The following SEMA5A variants were observed in gnomAD, a reference collection of about 807,000 sequenced individuals.
SEMA5A encodes semaphorin-5A.
SEMA5A carries 55 observed loss-of-function variants against 135.5 expected under a neutral mutation model. That is an observed-to-expected ratio of 0.41 (90% CI 0.33 to 0.51). The LOEUF is 0.51. Among genes scored for constraint, SEMA5A ranks in the 20% least tolerant of loss-of-function variants. The pLI is 0.37. For missense variants in SEMA5A, 1,290 were observed against 1,419.9 expected, an observed-to-expected ratio of 0.91 and a Z score of 1.47; for synonymous variants, 580 against 546.5, an observed-to-expected ratio of 1.06 and a Z score of -0.85.
At chr5:9,151,206 C>G (rs976881124) in intron 12 of SEMA5A, among the ~76,000 whole-genome samples, 9 of 152,232 alleles carry the variant, frequency 5.9e-5, no homozygotes, top group African/African-American at 2.2e-4. Flanking sequence ...TATCAGTTAT[C>G]ATTTATACAC....
chr5:9,249,967 G>A (rs1404386425), intron 5 of SEMA5A, among the ~76,000 whole-genome samples: 1 of 152,164 alleles, frequency 6.6e-6, no homozygotes, highest in Non-Finnish European at 1.5e-5. Flanking sequence ...CAGGCCTCCT[G>A]AACCATGCTA....
chr5:9,277,810 G>T (rs1665853028), intron 5 of SEMA5A, among the ~76,000 whole-genome samples: 1 of 151,892 alleles, frequency 6.6e-6, no homozygotes, highest in South Asian at 2.1e-4. Context: ...CACTGTCAGG[G>T]GGGTGCGGGG....
At chr5:9,493,043 T>G (rs866516334) in intron 1 of SEMA5A, among the ~76,000 whole-genome samples, 1 of 152,042 alleles carries the variant, frequency 6.6e-6, no homozygotes, top group African/African-American at 2.4e-5. Flanking sequence ...CCAATGTAGG[T>G]TGATCGATTG....
chr5:9,353,973 TA>T (rs56154322), intron 3 of SEMA5A, among the ~76,000 whole-genome samples: 3,245 of 139,026 alleles, frequency 0.023, 77 homozygotes, highest in African/African-American at 0.063. Flanking sequence ...AAGCACGTGT[TA>T]AAAAAAAAAA....
intron 6 of SEMA5A, among the ~76,000 whole-genome samples, chr5:9,233,893 C>T (rs1304960483): frequency 6.6e-6 from 1 of 151,768 alleles, no homozygotes; most frequent in Admixed American, 6.6e-5. Context: ...TGTGCAGAAG[C>T]ACAGACCACT....
intron 1 of SEMA5A, among the ~76,000 whole-genome samples, chr5:9,544,664 C>T (rs1301222335): frequency 1.3e-5 from 2 of 152,220 alleles, no homozygotes; most frequent in Non-Finnish European, 2.9e-5. Flanking sequence ...CCGGGAATCC[C>T]GAGGACGCCG....
chr5:9,155,591 C>A (rs1321061571), intron 11 of SEMA5A, among the ~76,000 whole-genome samples: 1 of 152,176 alleles, frequency 6.6e-6, no homozygotes, highest in Non-Finnish European at 1.5e-5. Context: ...CTGGAATCAT[C>A]CTGAAGGCCC....
intron 13 of SEMA5A, among the ~76,000 whole-genome samples, chr5:9,125,510 A>G (rs557340872): frequency 1.1e-3 from 171 of 152,138 alleles, no homozygotes; most frequent in Non-Finnish European, 1.7e-3. Flanking sequence ...CCCACCCTCC[A>G]ACAGGTCCCA....
chr5:9,273,732 C>G (rs1387804778), intron 5 of SEMA5A, among the ~76,000 whole-genome samples: 2 of 152,024 alleles, frequency 1.3e-5, no homozygotes, highest in African/African-American at 4.8e-5. Context: ...TCATATCCAG[C>G]CAAACTAAGC....
chr5:9,298,032 C>G (rs1036936415), intron 5 of SEMA5A, among the ~76,000 whole-genome samples: 1 of 152,120 alleles, frequency 6.6e-6, no homozygotes, highest in Non-Finnish European at 1.5e-5. Flanking sequence ...AAAAATTATA[C>G]TAATGTCATT....
chr5:9,455,841 C>T (rs1339759126), intron 1 of SEMA5A, among the ~76,000 whole-genome samples: 1 of 152,158 alleles, frequency 6.6e-6, no homozygotes, highest in African/African-American at 2.4e-5. Flanking sequence ...GGAAGGCTTA[C>T]GACCCACTAA....
At chr5:9,258,165 A>G (rs1466043286) in intron 5 of SEMA5A, among the ~76,000 whole-genome samples, 1 of 152,218 alleles carries the variant, frequency 6.6e-6, no homozygotes, top group African/African-American at 2.4e-5. Context: ...TTTGAAAAGA[A>G]TATCAAGAGA....
intron 15 of SEMA5A, among the ~76,000 whole-genome samples, chr5:9,115,261 CT>C (rs1484030810): frequency 6.6e-6 from 1 of 152,172 alleles, no homozygotes; most frequent in African/African-American, 2.4e-5. Flanking sequence ...AACTACCTAG[CT>C]ACAAGCACGT....
chr5:9,408,062 C>CAACCA (rs529017322), intron 2 of SEMA5A, among the ~76,000 whole-genome samples: 131 of 151,924 alleles, frequency 8.6e-4, no homozygotes, highest in African/African-American at 3.0e-3. Context: ...ATCACCACTA[C>CAACCA]CACCACACCA....
At chr5:9,396,839 T>C (rs1266083794) in intron 2 of SEMA5A, among the ~76,000 whole-genome samples, 1 of 152,182 alleles carries the variant, frequency 6.6e-6, no homozygotes, top group Non-Finnish European at 1.5e-5. Flanking sequence ...TCTGTGAGCA[T>C]AAACCTTTTC....
At chr5:9,198,562 C>G (rs570259439) in intron 9 of SEMA5A, among the ~76,000 whole-genome samples, 1 of 152,130 alleles carries the variant, frequency 6.6e-6, no homozygotes, top group African/African-American at 2.4e-5. Context: ...AAAAGTAGGG[C>G]CTTGAGGGTA....
chr5:9,328,881 C>A (rs1031488705), intron 4 of SEMA5A, among the ~76,000 whole-genome samples: 1 of 151,880 alleles, frequency 6.6e-6, no homozygotes, highest in African/African-American at 2.4e-5. Context: ...GTCAGGTGAA[C>A]CTAAGACTGG....
intron 1 of SEMA5A, among the ~76,000 whole-genome samples, chr5:9,485,303 G>A (rs532468043): frequency 1.6e-4 from 24 of 151,852 alleles, no homozygotes; most frequent in Non-Finnish European, 2.4e-4. Flanking sequence ...TCACAAAACT[G>A]ACAGAAGACA....
chr5:9,537,692 C>G (rs1737844640), intron 1 of SEMA5A, among the ~76,000 whole-genome samples: 1 of 152,110 alleles, frequency 6.6e-6, no homozygotes, highest in Non-Finnish European at 1.5e-5. Context: ...CAGAAATGAC[C>G]CTGGCAAAAG....
Sources: allele counts gnomAD v4.1 joint callset (sites outside exome capture counted in the v4.1 genomes callset), GRCh38; gene constraint gnomAD v4.1.1; transcripts MANE v1.5; gene names NCBI Gene and HGNC (gene_info 2026-07-23, HGNC 2026-07-21).